Variants in OSBPL1A observed in about 807,000 individuals in gnomAD.
OSBPL1A encodes the protein oxysterol-binding protein-related protein 1.
OSBPL1A carries 80 observed loss-of-function variants against 137.1 expected under a neutral mutation model. The ratio of observed to expected loss-of-function variants is 0.58; its 90% CI spans 0.49 to 0.70. The LOEUF (loss-of-function observed/expected upper bound fraction) is 0.70. Among genes scored for constraint, OSBPL1A ranks in the 30% least tolerant of loss-of-function variants. OSBPL1A has a pLI of 0.00. For synonymous variants in OSBPL1A, 365 were observed against 389.7 expected (o/e 0.94, Z 0.75); for missense variants, 970 against 1,129.4 (o/e 0.86, Z 2.02).
At chr18:24,370,340 C>T (rs1384977766) in intron 2 of OSBPL1A, among the ~76,000 whole-genome samples, 1 of 152,206 alleles carries the variant, frequency 6.6e-6, no homozygotes, top group Non-Finnish European at 1.5e-5. Context: ...TTCTCTGCTG[C>T]CATCTGCCAG....
chr18:24,329,547 C>CAAAAAAA (rs369613715), intron 7 of OSBPL1A, among the ~76,000 whole-genome samples: 1 of 63,472 alleles, frequency 1.6e-5, no homozygotes, highest in Non-Finnish European at 3.2e-5. Context: ...GAAACTCTGT[C>CAAAAAAA]AAAAAAAAAA....
At chr18:24,361,418 C>T (rs1043708430) in intron 4 of OSBPL1A, among the ~76,000 whole-genome samples, 2 of 152,146 alleles carry the variant, frequency 1.3e-5, no homozygotes, top group African/African-American at 4.8e-5. Flanking sequence ...CCTTATACAT[C>T]GTTTATCCAA....
chr18:24,198,960 C>T (rs1238157653), intron 17 of OSBPL1A, among the ~76,000 whole-genome samples: 3 of 151,220 alleles, frequency 2.0e-5, no homozygotes, highest in Admixed American at 1.3e-4. Context: ...CGGGTTCAAA[C>T]GATTCTTCTG....
intron 26 of OSBPL1A, among the ~76,000 whole-genome samples, chr18:24,165,912 C>T (rs959457991): frequency 2.6e-5 from 4 of 152,136 alleles, no homozygotes; most frequent in African/African-American, 4.8e-5. Flanking sequence ...ACCTGGCCAA[C>T]AGGGTGAAAC....
At chr18:24,391,866 T>A (rs1907384134) in intron 1 of OSBPL1A, among the ~76,000 whole-genome samples, 2 of 152,102 alleles carry the variant, frequency 1.3e-5, no homozygotes. Context: ...CATTTGTACT[T>A]TTTCTTTTTT....
chr18:24,194,677 G>A (rs757865999), intron 18 of OSBPL1A, among the ~76,000 whole-genome samples: 12 of 152,130 alleles, frequency 7.9e-5, no homozygotes, highest in Admixed American at 3.3e-4. Context: ...TGAGCGCAAC[G>A]TTAAACCAGG....
At chr18:24,282,195 C>T (rs1035047285) in intron 14 of OSBPL1A, among the ~76,000 whole-genome samples, 26 of 150,600 alleles carry the variant, frequency 1.7e-4, no homozygotes, top group African/African-American at 5.4e-4. Flanking sequence ...AAAAAGTTTA[C>T]AGGAATTAAA....
chr18:24,368,551 G>A (rs1210193625), intron 2 of OSBPL1A, 179 bp from the exon 3 acceptor site: 9 of 544,140 alleles, frequency 1.7e-5, no homozygotes. Flanking sequence ...CTCACAAGGT[G>A]CAGATCTGGT....
rs376870392 is a variant in OSBPL1A, at chr18:24,388,340, G to A, written c.-3+9315C>T. 6.4e-4 allele frequency among the ~76,000 whole-genome samples: 97 copies of A among 152,200 alleles called. No homozygotes were observed. The East Asian group carries it at 0.01, about 16-fold the overall frequency. On this transcript the variant is annotated intron_variant, in intron 1 of 27. Coordinates refer to ENST00000319481, the MANE Select transcript of OSBPL1A (RefSeq NM_080597.4). ...GTAGGCAACCAAATATTAGTTAACC[G>A]GATGGATGGATGGGCGGATGGATGA...
At chr18:24,330,458 T>C (rs1178952556) in intron 7 of OSBPL1A, among the ~76,000 whole-genome samples, 1 of 152,086 alleles carries the variant, frequency 6.6e-6, no homozygotes, top group Non-Finnish European at 1.5e-5. Context: ...GTAATGAAGG[T>C]ACAAAGTAAA....
intron 4 of OSBPL1A, among the ~76,000 whole-genome samples, chr18:24,364,456 C>T (rs2091673124): frequency 1.3e-5 from 2 of 152,130 alleles, no homozygotes; most frequent in Non-Finnish European, 2.9e-5. Flanking sequence ...GGCATGAATC[C>T]TAAAATACTA....
chr18:24,231,438 GCC>G (rs946690211), intron 16 of OSBPL1A, among the ~76,000 whole-genome samples: 1 of 151,994 alleles, frequency 6.6e-6, no homozygotes, highest in East Asian at 1.9e-4. Context: ...GATTACAGGC[GCC>G]CACCACCACG....
At chr18:24,250,698 T>C (rs1599563233) in intron 15 of OSBPL1A, among the ~76,000 whole-genome samples, 1 of 152,138 alleles carries the variant, frequency 6.6e-6, no homozygotes, top group African/African-American at 2.4e-5. Flanking sequence ...GTGGCTATGG[T>C]CAAAGACTCC....
At chr18:24,384,053 G>A in intron 1 of OSBPL1A, among the ~76,000 whole-genome samples, 1 of 152,182 alleles carries the variant, frequency 6.6e-6, no homozygotes, top group Admixed American at 6.5e-5. Flanking sequence ...CTAGCTCTCT[G>A]CCAACATTAG....
intron 16 of OSBPL1A, among the ~76,000 whole-genome samples, chr18:24,225,642 TAGACATAAAA>T (rs1395138891): frequency 5.0e-4 from 76 of 152,306 alleles, no homozygotes; most frequent in African/African-American, 1.8e-3. Flanking sequence ...TCCAATACTG[TAGACATAAAA>T]GTAAAGTAAT....
chr18:24,191,719 C>T (rs1279639185), intron 18 of OSBPL1A, among the ~76,000 whole-genome samples: 1 of 152,006 alleles, frequency 6.6e-6, no homozygotes, highest in Non-Finnish European at 1.5e-5. Flanking sequence ...ATAAAAGACC[C>T]TCAGAGATTA....
intron 4 of OSBPL1A, among the ~76,000 whole-genome samples, chr18:24,363,378 G>GT (rs1363771017): frequency 6.6e-6 from 1 of 151,184 alleles, no homozygotes; most frequent in Non-Finnish European, 1.5e-5. Context: ...CAGAAACACC[G>GT]TATCTCTCTG....
At chr18:24,283,292 A>T in intron 14 of OSBPL1A, among the ~76,000 whole-genome samples, 1 of 121,290 alleles carries the variant, frequency 8.2e-6, no homozygotes, top group African/African-American at 2.8e-5. Context: ...ATATATATAT[A>T]TATATATATA....
At chr18:24,207,489 T>C (rs1173493442) in intron 17 of OSBPL1A, among the ~76,000 whole-genome samples, 1 of 152,260 alleles carries the variant, frequency 6.6e-6, no homozygotes, top group African/African-American at 2.4e-5. Flanking sequence ...GTAGGAATCA[T>C]AATTTTAGGT....
Sources: allele counts gnomAD v4.1 joint callset (sites outside exome capture counted in the v4.1 genomes callset), GRCh38; gene constraint gnomAD v4.1.1; transcripts MANE v1.5; gene names NCBI Gene and HGNC (gene_info 2026-07-23, HGNC 2026-07-21).